The following BMP6 variants were observed in gnomAD, a reference collection of about 807,000 sequenced individuals.
BMP6 encodes the protein VG-1-R.
Under a neutral mutation model 54.1 loss-of-function variants are expected in BMP6, and 17 were observed. The ratio of observed to expected loss-of-function variants is 0.31; its 90% confidence interval spans 0.22 to 0.47. The LOEUF is 0.47. BMP6 is among the 20% of genes least tolerant of loss of function. BMP6 has a pLI of 1.00. For synonymous variants in BMP6, 328 were observed against 291.2 expected, an observed-to-expected ratio of 1.13 and a Z score of -1.28; for missense variants, 720 against 690.4, an observed-to-expected ratio of 1.04 and a Z score of -0.48.
At chr6:7,871,375 C>T (rs756261986) in intron 4 of BMP6, among the ~76,000 whole-genome samples, 1 of 152,248 alleles carries the variant, frequency 6.6e-6, no homozygotes, top group Non-Finnish European at 1.5e-5. Context: ...GCTCAGAAAT[C>T]TTTGGTGAGA....
chr6:7,862,670 C>T (rs1217750632), intron 4 of BMP6, among the ~76,000 whole-genome samples, 172 bp downstream of exon 4: 3 of 152,208 alleles, frequency 2.0e-5, no homozygotes, highest in Admixed American at 1.3e-4. Flanking sequence ...TGCGTGGGTT[C>T]TGAGGGCCCT....
At chr6:7,811,601 G>C (rs867080694) in intron 1 of BMP6, among the ~76,000 whole-genome samples, 4 of 152,210 alleles carry the variant, frequency 2.6e-5, no homozygotes, top group African/African-American at 9.7e-5. Context: ...TTTCCGTTCT[G>C]AAATGGGGCC....
intron 1 of BMP6, among the ~76,000 whole-genome samples, chr6:7,761,228 CA>C (rs1188371116): frequency 2.0e-5 from 3 of 152,182 alleles, no homozygotes; most frequent in Admixed American, 6.5e-5. Context: ...TTACTGTTAC[CA>C]AAATGTTTGT....
intron 2 of BMP6, among the ~76,000 whole-genome samples, chr6:7,855,325 C>A (rs998212239): frequency 4.6e-5 from 7 of 152,138 alleles, no homozygotes; most frequent in Non-Finnish European, 1.0e-4. Flanking sequence ...AATGCAGATT[C>A]TCAGGCCCCT....
chr6:7,735,202 C>A (rs1372198025), intron 1 of BMP6, among the ~76,000 whole-genome samples: 1 of 152,236 alleles, frequency 6.6e-6, no homozygotes, highest in Non-Finnish European at 1.5e-5. Context: ...CTTGCCCTTT[C>A]ACCGTCCAGA....
intron 1 of BMP6, among the ~76,000 whole-genome samples, chr6:7,794,988 T>C (rs1403133944): frequency 3.3e-5 from 5 of 152,140 alleles, no homozygotes. Flanking sequence ...TCCAGTACTA[T>C]CCATGGGAAC....
At chr6:7,856,120 T>TAAAAAA (rs56264814) in intron 2 of BMP6, among the ~76,000 whole-genome samples, 2,202 of 83,546 alleles carry the variant, frequency 0.026, 118 homozygotes, top group East Asian at 0.051. Context: ...TCAAAGACTG[T>TAAAAAA]AAAAAAAAAA....
At chr6:7,826,558 A>G (rs1341057694) in intron 1 of BMP6, among the ~76,000 whole-genome samples, 3 of 152,230 alleles carry the variant, frequency 2.0e-5, no homozygotes, top group Admixed American at 2.0e-4. Context: ...AACTCAGACC[A>G]TCAGTTGCGC....
intron 1 of BMP6, among the ~76,000 whole-genome samples, chr6:7,777,892 A>G (rs777535632): frequency 3.3e-5 from 5 of 152,068 alleles, no homozygotes; most frequent in Non-Finnish European, 7.4e-5. Context: ...CCGGGACACC[A>G]CTGTATACAT....
Position 7,880,189 on chromosome 6 carries a change from A to C in BMP6, c.1393-5A>C, listed in dbSNP as rs1759692068. 2 of 1,613,998 alleles carry C rather than the reference A, an allele frequency of 1.2e-6. No individual in the cohort carries two copies. Among genetic ancestry groups the C allele is most frequent in the South Asian group, 1.1e-5 (1 of 91,082 alleles). On this transcript the variant is annotated splice_polypyrimidine_tract_variant and splice_region_variant and intron_variant, in intron 6 of 6. Coordinates refer to ENST00000283147, the MANE Select transcript of BMP6 (RefSeq NM_001718.6). ...GGTACCTTCTCCCCTTCTGTTTTGG[A>C]ACAGGTTCACCTTATGAACCCCGAG...
intron 1 of BMP6, among the ~76,000 whole-genome samples, chr6:7,741,635 G>A (rs111288146): frequency 3.3e-5 from 5 of 150,006 alleles, no homozygotes; most frequent in African/African-American, 7.3e-5. Context: ...GTCTCATTAT[G>A]TTGCCCAGAC....
intron 1 of BMP6, among the ~76,000 whole-genome samples, chr6:7,805,683 G>C (rs12190551): frequency 0.37 from 55,763 of 152,008 alleles, 10,453 homozygotes; most frequent in East Asian, 0.55. Flanking sequence ...AAAACAAACA[G>C]TGTCAATATT....
intron 1 of BMP6, among the ~76,000 whole-genome samples, chr6:7,835,265 G>A (rs1417844359): frequency 6.6e-6 from 1 of 152,180 alleles, no homozygotes; most frequent in Non-Finnish European, 1.5e-5. Context: ...TGGGACTACA[G>A]ACACCCGCCA....
chr6:7,834,419 T>C (rs969502313), intron 1 of BMP6, among the ~76,000 whole-genome samples: 2 of 151,566 alleles, frequency 1.3e-5, no homozygotes, highest in African/African-American at 2.4e-5. Flanking sequence ...GACAATAATA[T>C]AGAAATACAG....
chr6:7,839,857 ATGTT>A (rs1364067326), intron 1 of BMP6, among the ~76,000 whole-genome samples: 1 of 152,178 alleles, frequency 6.6e-6, no homozygotes, highest in Non-Finnish European at 1.5e-5. Context: ...TGCTAATTTT[ATGTT>A]TGTTTGAGGA....
At chr6:7,783,108 A>G (rs1757971774) in intron 1 of BMP6, among the ~76,000 whole-genome samples, 1 of 152,148 alleles carries the variant, frequency 6.6e-6, no homozygotes, top group South Asian at 2.1e-4. Flanking sequence ...TGTGAAGGAG[A>G]GGAGAGAGAA....
intron 1 of BMP6, among the ~76,000 whole-genome samples, chr6:7,734,532 A>G (rs149121727): frequency 4.1e-4 from 63 of 152,302 alleles, no homozygotes; most frequent in African/African-American, 1.3e-3. Flanking sequence ...CCAAATCTGG[A>G]ATTGTTGGGG....
At chr6:7,848,020 C>A (rs992349793) in intron 2 of BMP6, among the ~76,000 whole-genome samples, 1 of 152,184 alleles carries the variant, frequency 6.6e-6, no homozygotes, top group African/African-American at 2.4e-5. Context: ...GCAAAAATTA[C>A]ATTGGCAAGG....
intron 1 of BMP6, among the ~76,000 whole-genome samples, chr6:7,783,163 C>T (rs1215236557): frequency 6.6e-6 from 1 of 152,108 alleles, no homozygotes. Context: ...GCGTTTGTGG[C>T]ATTTGTATGA....
Sources: allele counts gnomAD v4.1 joint callset (sites outside exome capture counted in the v4.1 genomes callset), GRCh38; gene constraint gnomAD v4.1.1; transcripts MANE v1.5; gene names NCBI Gene and HGNC (gene_info 2026-07-23, HGNC 2026-07-21).